Variants in PALM2AKAP2 observed in about 807,000 individuals in gnomAD.
The protein encoded by PALM2AKAP2 is PALM2 and AKAP2 fusion, also known as PALM2-AKAP2 fusion protein.
PALM2AKAP2 carries 37 observed loss-of-function variants against 71.5 expected under a neutral mutation model. That is an observed-to-expected ratio of 0.52 (90% CI 0.40 to 0.68). The LOEUF is 0.68. Among genes scored for constraint, PALM2AKAP2 ranks in the 30% least tolerant of loss-of-function variants. The pLI is 0.00. For missense variants in PALM2AKAP2, 1,224 were observed against 1,191.8 expected (o/e 1.03, Z -0.40); for synonymous variants, 468 against 478.8 (o/e 0.98, Z 0.29).
intron 1 of PALM2AKAP2, among the ~76,000 whole-genome samples, chr9:109,853,510 C>G (rs1348693372): frequency 2.6e-5 from 4 of 152,198 alleles, no homozygotes; most frequent in African/African-American, 9.7e-5. Context: ...CATAATGGTG[C>G]AGATATATCA....
chr9:109,866,398 C>G (rs929841890), intron 1 of PALM2AKAP2, among the ~76,000 whole-genome samples: 1 of 152,108 alleles, frequency 6.6e-6, no homozygotes, highest in Non-Finnish European at 1.5e-5. Flanking sequence ...TCTCAGCAAA[C>G]CACTCCTGTA....
intron 2 of PALM2AKAP2, among the ~76,000 whole-genome samples, chr9:110,151,773 ATTG>A (rs144817149): frequency 0.16 from 23,965 of 152,184 alleles, 1,956 homozygotes; most frequent in African/African-American, 0.2. Context: ...TCAGTCTAAC[ATTG>A]TTGTAGTGGT....
At chr9:109,952,300 A>C (rs1831659833) in intron 6 of PALM2AKAP2, among the ~76,000 whole-genome samples, 1 of 152,254 alleles carries the variant, frequency 6.6e-6, no homozygotes, top group South Asian at 2.1e-4. Context: ...GCTCCAAAAA[A>C]AAAGTTTCAA....
chr9:109,844,164 TTTAATTTTC>T (rs1198662712), intron 1 of PALM2AKAP2, among the ~76,000 whole-genome samples: 1 of 152,230 alleles, frequency 6.6e-6, no homozygotes, highest in Admixed American at 6.5e-5. Context: ...TCTGGAATTA[TTTAATTTTC>T]ACAGCAACCA....
At chr9:109,733,792 A>C (rs969291974) in intron 1 of PALM2AKAP2, among the ~76,000 whole-genome samples, 2 of 152,214 alleles carry the variant, frequency 1.3e-5, no homozygotes, top group African/African-American at 4.8e-5. Context: ...GCTACCACGA[A>C]TAGTGATTGT....
chr9:109,659,354 A>C (rs147906874), intron 1 of PALM2AKAP2, among the ~76,000 whole-genome samples: 2 of 152,148 alleles, frequency 1.3e-5, no homozygotes, highest in African/African-American at 2.4e-5. Flanking sequence ...CTTCATCAAA[A>C]TCAATTTTAG....
At chr9:110,064,483 T>C (rs531238750) in intron 1 of PALM2AKAP2, among the ~76,000 whole-genome samples, 1 of 152,312 alleles carries the variant, frequency 6.6e-6, no homozygotes, top group South Asian at 2.1e-4. Context: ...GGCTCACGCC[T>C]GTAATCCCAG....
At chr9:109,869,757 G>A (rs1166673738) in intron 2 of PALM2AKAP2, among the ~76,000 whole-genome samples, 1 of 152,072 alleles carries the variant, frequency 6.6e-6, no homozygotes, top group Non-Finnish European at 1.5e-5. Context: ...GGAAACAAGG[G>A]AATCAGCTAG....
chr9:109,928,444 G>A (rs1221031461), intron 5 of PALM2AKAP2, among the ~76,000 whole-genome samples: 1 of 152,186 alleles, frequency 6.6e-6, no homozygotes, highest in African/African-American at 2.4e-5. Context: ...GGAGAATAGT[G>A]TTAGACTATT....
At chr9:110,027,024 T>C (rs1027318918) in intron 7 of PALM2AKAP2, among the ~76,000 whole-genome samples, 4 of 152,040 alleles carry the variant, frequency 2.6e-5, no homozygotes, top group Non-Finnish European at 4.4e-5. Flanking sequence ...GCCTGGGTAA[T>C]AGAGCGAGAT....
chr9:110,009,125 C>T (rs530995678), intron 6 of PALM2AKAP2, among the ~76,000 whole-genome samples: 33 of 152,270 alleles, frequency 2.2e-4, no homozygotes, highest in Non-Finnish European at 3.2e-4. Flanking sequence ...CTTGCACATT[C>T]GGGTCCATTC....
intron 3 of PALM2AKAP2, among the ~76,000 whole-genome samples, chr9:109,888,711 C>CAAAAAAAAA (rs34495775): frequency 1.8e-4 from 18 of 98,828 alleles, no homozygotes; most frequent in Non-Finnish European, 3.0e-4. Flanking sequence ...ATTTTGCCTC[C>CAAAAAAAAA]AAAAAAAAAA....
chr9:109,741,361 G>A (rs2118685266), intron 1 of PALM2AKAP2, among the ~76,000 whole-genome samples: 1 of 152,284 alleles, frequency 6.6e-6, no homozygotes, highest in Non-Finnish European at 1.5e-5. Flanking sequence ...TTTTCCTGTT[G>A]ATGGGTAATT....
chr9:109,822,437 A>G (rs985950721), intron 1 of PALM2AKAP2, among the ~76,000 whole-genome samples: 4 of 151,974 alleles, frequency 2.6e-5, no homozygotes, highest in African/African-American at 7.3e-5. Flanking sequence ...GGTAAATTGC[A>G]TGTCACGGGG....
intron 1 of PALM2AKAP2, among the ~76,000 whole-genome samples, chr9:110,078,217 A>G (rs998581697): frequency 6.6e-6 from 1 of 152,150 alleles, no homozygotes; most frequent in Non-Finnish European, 1.5e-5. Context: ...TGTCTTTATC[A>G]ACCCCTGATT....
At chr9:110,171,771 T>C (rs1836862529) in exon 4 of PALM2AKAP2, 1 of 152,584 alleles carries the variant, frequency 6.6e-6, no homozygotes, top group African/African-American at 2.4e-5. Context: ...TCTTACAAAA[T>C]GTTTAGATTC....
chr9:109,763,214 G>T (rs1243275274), intron 1 of PALM2AKAP2, among the ~76,000 whole-genome samples: 1 of 152,058 alleles, frequency 6.6e-6, no homozygotes, highest in Non-Finnish European at 1.5e-5. Flanking sequence ...AGGGCGGAGG[G>T]ACCACAAAAG....
chr9:110,061,621 A>T (rs1047884919), intron 1 of PALM2AKAP2, among the ~76,000 whole-genome samples: 2 of 147,964 alleles, frequency 1.4e-5, no homozygotes, highest in East Asian at 1.9e-4. Flanking sequence ...TATATATATA[A>T]AATATATATA....
At chr9:110,077,563 C>G (rs1295562803) in intron 1 of PALM2AKAP2, among the ~76,000 whole-genome samples, 2 of 151,986 alleles carry the variant, frequency 1.3e-5, no homozygotes, top group African/African-American at 4.8e-5. Context: ...GGTCAGGGCT[C>G]TCTCTTCAGG....
Sources: allele counts gnomAD v4.1 joint callset (sites outside exome capture counted in the v4.1 genomes callset), GRCh38; gene constraint gnomAD v4.1.1; transcripts MANE v1.5; gene names NCBI Gene and HGNC (gene_info 2026-07-23, HGNC 2026-07-21).